Variants in MBNL2 observed in about 807,000 individuals in gnomAD.
MBNL2 encodes muscleblind-like protein 2.
A neutral mutation model predicts 41.9 loss-of-function variants in MBNL2; 17 were observed. That is an observed-to-expected ratio of 0.41 (90% CI 0.28 to 0.61). The LOEUF is 0.61. MBNL2 is among the 20% of genes least tolerant of loss of function. The probability of loss-of-function intolerance (pLI) is 0.35; values close to 1 mark genes in which losing one functional copy is unlikely to be tolerated. For missense variants in MBNL2, 336 were observed against 505.6 expected (o/e 0.66, Z 3.22); for synonymous variants, 195 against 182.9 (o/e 1.07, Z -0.53).
chr13:97,290,696 AAAAAAG>A (rs1301596928), intron 2 of MBNL2, among the ~76,000 whole-genome samples: 18 of 151,054 alleles, frequency 1.2e-4, no homozygotes, highest in African/African-American at 2.2e-4. Context: ...AAAAAAAAAA[AAAAAAG>A]AAAGAAACAG....
the MBNL2 span, among the ~76,000 whole-genome samples, chr13:97,213,071 G>T: frequency 2.9e-4 from 44 of 152,288 alleles, no homozygotes; most frequent in African/African-American, 1.0e-3. Flanking sequence ...GATAACCATG[G>T]TTGTGAGAAA....
intron 2 of MBNL2, among the ~76,000 whole-genome samples, chr13:97,279,236 GAAGGA>G (rs2052835576): frequency 6.6e-6 from 1 of 152,238 alleles, no homozygotes; most frequent in Admixed American, 6.5e-5. Context: ...TTTGAAATCA[GAAGGA>G]CCAGGGCTTG....
At chr13:97,143,392 A>G in the MBNL2 span, among the ~76,000 whole-genome samples, 1 of 152,188 alleles carries the variant, frequency 6.6e-6, no homozygotes, top group African/African-American at 2.4e-5. Context: ...TCCTGCCATC[A>G]ACACTTCCTA....
intron 2 of MBNL2, among the ~76,000 whole-genome samples, chr13:97,291,530 C>T (rs943993242): frequency 5.3e-5 from 8 of 152,064 alleles, no homozygotes; most frequent in African/African-American, 1.7e-4. Context: ...TGATGTGTCA[C>T]GACAGGTTAT....
At chr13:97,189,061 C>T in the MBNL2 span, among the ~76,000 whole-genome samples, 1 of 152,038 alleles carries the variant, frequency 6.6e-6, no homozygotes, top group Non-Finnish European at 1.5e-5. Flanking sequence ...CCTTCTACTT[C>T]TGTATTTTTT....
intron 1 of MBNL2, among the ~76,000 whole-genome samples, chr13:97,246,146 T>C (rs1053993044): frequency 1.3e-5 from 2 of 152,210 alleles, no homozygotes; most frequent in Admixed American, 1.3e-4. Context: ...GAATTCAGAA[T>C]TTGAATGCAT....
At chr13:97,164,268 A>C in the MBNL2 span, among the ~76,000 whole-genome samples, 1 of 152,264 alleles carries the variant, frequency 6.6e-6, no homozygotes, top group Non-Finnish European at 1.5e-5. Context: ...TTGGTCTCCC[A>C]AACTGTTGGG....
At chr13:97,184,972 G>A in the MBNL2 span, among the ~76,000 whole-genome samples, 86 of 152,202 alleles carry the variant, frequency 5.7e-4, 4 homozygotes, top group South Asian at 0.014. Context: ...ATATTCCCAT[G>A]TTTCTAATGA....
chr13:97,354,078 C>A (rs1361005901), intron 5 of MBNL2, among the ~76,000 whole-genome samples: 1 of 150,772 alleles, frequency 6.6e-6, no homozygotes, highest in Non-Finnish European at 1.5e-5. Context: ...CATAGGACCT[C>A]TTCTGACTCA....
intron 2 of MBNL2, among the ~76,000 whole-genome samples, chr13:97,333,032 G>A (rs764797459): frequency 2.6e-5 from 4 of 152,156 alleles, no homozygotes; most frequent in African/African-American, 7.2e-5. Flanking sequence ...CCAAAAGTGC[G>A]GATGAAATTA....
chr13:97,241,094 A>G (rs2044185867), intron 1 of MBNL2, among the ~76,000 whole-genome samples: 1 of 152,238 alleles, frequency 6.6e-6, no homozygotes, highest in Non-Finnish European at 1.5e-5. Context: ...AGGAAAGGTT[A>G]GCCTCTTTGT....
At chr13:97,369,415 G>A (rs1404467229) in intron 8 of MBNL2, among the ~76,000 whole-genome samples, 1 of 152,186 alleles carries the variant, frequency 6.6e-6, no homozygotes, top group Non-Finnish European at 1.5e-5. Context: ...TAGGCCCAAA[G>A]CATGAGATTA....
At chr13:97,169,421 G>T in the MBNL2 span, among the ~76,000 whole-genome samples, 2 of 152,278 alleles carry the variant, frequency 1.3e-5, no homozygotes, top group East Asian at 3.9e-4. Context: ...AAAATGGATG[G>T]TTTAATTTCT....
At chr13:97,164,661 T>A in the MBNL2 span, among the ~76,000 whole-genome samples, 1 of 152,150 alleles carries the variant, frequency 6.6e-6, no homozygotes, top group African/African-American at 2.4e-5. Context: ...AATGTTTATA[T>A]TATCCTTTAA....
intron 2 of MBNL2, among the ~76,000 whole-genome samples, chr13:97,294,735 T>C (rs1351874555): frequency 6.6e-6 from 1 of 152,200 alleles, no homozygotes; most frequent in Non-Finnish European, 1.5e-5. Flanking sequence ...ATAAATCTAG[T>C]AACTATCCCT....
At chr13:97,149,327 C>T in the MBNL2 span, among the ~76,000 whole-genome samples, 13 of 152,168 alleles carry the variant, frequency 8.5e-5, no homozygotes, top group Non-Finnish European at 1.8e-4. Context: ...TCTGCTTTCT[C>T]GTACACTGCG....
At chr13:97,222,047 C>A (rs1026241819), upstream of MBNL2, among the ~76,000 whole-genome samples, 6 of 152,224 alleles carry the variant, frequency 3.9e-5, no homozygotes, top group Non-Finnish European at 7.3e-5. Context: ...TGGCTTCGAG[C>A]TGGCTGTCTT....
rs141002658 is a variant in MBNL2, at chr13:97,346,337, G to T, written c.541-467G>T. On this transcript the variant is annotated intron_variant, in intron 4 of 8. Transcript: ENST00000679496. The surrounding 1 kb of genome is among the most constrained non-coding windows in gnomAD (Gnocchi z 4.2). ...ATAATAGAGGGATAGATTGATAGAT[G>T]ATAGATAATAGATGATGGATGAATG... Among the ~76,000 whole-genome samples, 403 of 152,086 alleles carry T rather than the reference G, an allele frequency of 2.6e-3. 2 individuals carry two copies. The highest frequency in any genetic ancestry group is 9.1e-3 in the African/African-American group (377 of 41,468).
At chr13:97,145,319 A>T in the MBNL2 span, among the ~76,000 whole-genome samples, 2 of 152,174 alleles carry the variant, frequency 1.3e-5, no homozygotes, top group African/African-American at 2.4e-5. Flanking sequence ...AACAAAGGCT[A>T]AAAAAAGCAA....
Sources: allele counts gnomAD v4.1 joint callset (sites outside exome capture counted in the v4.1 genomes callset), GRCh38; gene constraint gnomAD v4.1.1; non-coding constraint Gnocchi (gnomAD v3.1); transcripts MANE v1.5; gene names NCBI Gene and HGNC (gene_info 2026-07-23, HGNC 2026-07-21).